Variants in GPHN observed in about 807,000 individuals in gnomAD.
GPHN encodes the protein gephyrin.
In GPHN, 17 loss-of-function variants were observed where a neutral mutation model predicts 95.5. The observed-to-expected ratio is 0.18, with a 90% confidence interval of 0.12 to 0.27. The LOEUF is 0.27. GPHN is among the 10% of genes least tolerant of loss of function. The probability of loss-of-function intolerance (pLI) is 1.00; values close to 1 mark genes in which losing one functional copy is unlikely to be tolerated. For missense variants in GPHN, 660 were observed against 978.1 expected (o/e 0.67, Z 4.34); for synonymous variants, 320 against 322.5 (o/e 0.99, Z 0.08).
At chr14:66,879,901 T>A (rs761410805) in intron 4 of GPHN, 38 bp from the exon 5 acceptor site, 1 of 1,337,276 alleles carries the variant, frequency 7.5e-7, no homozygotes, top group Non-Finnish European at 1.1e-6. Flanking sequence ...CTTTTTTGGC[T>A]TATTTCACTC....
rs2067330550 is a variant in GPHN at position 66,685,999 on chromosome 14, AGGG to A, written c.143+4815_143+4817del. 3.8e-5 allele frequency among the ~76,000 whole-genome samples: 3 copies of A among 79,904 alleles called. No homozygotes were observed. The Admixed American group carries it at 4.9e-4, about 13-fold the overall frequency. 52.4% of individuals were successfully genotyped at this position (79,904 alleles called of 152,430 possible). ...GTTTTCCCAGCACCATTTATTAAAT[AGGG>A]AATCCTTTCCCCATTGCTTGTTTTT... is the stretch of plus-strand genomic sequence containing the variant. On this transcript the variant is annotated intron_variant, in intron 2 of 22. Transcript: ENST00000478722.
rs765213134 is a variant in GPHN at position 66,996,251 on chromosome 14, A to G, written c.964-27382A>G. 6.5e-5 allele frequency: 85 copies of G among 1,310,712 alleles called. No individual in the cohort carries two copies. The South Asian group carries it at 7.8e-4, about 12-fold the overall frequency. The allele number at this position is 1,310,712 out of a possible 1,614,324, so 81.2% of individuals were successfully genotyped here. A position where few individuals can be genotyped will look rare whatever the true frequency, so the allele number is the denominator to read the frequency against. ...TTGCACGTGTTTTCTTACATGGTCA[A>G]TAACATGCTCGCCCTCACCATTTTT... is the stretch of plus-strand genomic sequence containing the variant. On this transcript the variant is annotated intron_variant, in intron 9 of 22. Transcript: ENST00000478722.
intron 1 of GPHN, among the ~76,000 whole-genome samples, chr14:66,536,493 TG>T (rs1365066160): frequency 6.6e-6 from 1 of 152,214 alleles, no homozygotes; most frequent in Non-Finnish European, 1.5e-5. Context: ...CATCTATTCA[TG>T]AAAGATATTG....
the GPHN span, chr14:67,587,263 C>T: frequency 6.2e-7 from 1 of 1,612,114 alleles, no homozygotes; most frequent in Non-Finnish European, 8.5e-7. Flanking sequence ...TTCCCCAACA[C>T]CACTAGTGCC....
chr14:67,054,378 GAATACAGCT>G (rs1240211024), intron 10 of GPHN, among the ~76,000 whole-genome samples: 1 of 152,072 alleles, frequency 6.6e-6, no homozygotes, highest in Non-Finnish European at 1.5e-5. Flanking sequence ...AAATACCTAG[GAATACAGCT>G]AACAAGGGAA....
At chr14:66,560,422 G>T (rs373553879) in intron 1 of GPHN, among the ~76,000 whole-genome samples, 1,841 of 152,244 alleles carry the variant, frequency 0.012, 19 homozygotes, top group Non-Finnish European at 0.018. Flanking sequence ...TCATTGAGCA[G>T]TGGTTTGTAG....
the GPHN span, among the ~76,000 whole-genome samples, chr14:67,481,837 A>G: frequency 6.6e-6 from 1 of 152,168 alleles, no homozygotes; most frequent in Non-Finnish European, 1.5e-5. Flanking sequence ...CTGCAGGGAG[A>G]ACCGGCAGCT....
At chr14:67,110,110 A>G (rs763133881) in intron 13 of GPHN, 30 bp from the exon 14 acceptor site, 47 of 1,608,458 alleles carry the variant, frequency 2.9e-5, no homozygotes, top group Non-Finnish European at 3.9e-5. Flanking sequence ...AGCAAAGTAC[A>G]TCAACTGTCT....
the GPHN span, chr14:67,336,838 A>C: frequency 2.2e-6 from 1 of 451,298 alleles, no homozygotes; most frequent in Non-Finnish European, 4.5e-6. Flanking sequence ...ACTGAACCTA[A>C]GATTTTATTC....
rs111983398 is a variant in GPHN at position 66,569,117 on chromosome 14, T to C, written c.64+60526T>C. ...ACTGAGAGATTACCTGTTTAAATAC[T>C]TCTGTTTATAGTTACAGACCTTCAC... On this transcript the variant is annotated intron_variant, in intron 1 of 22. Transcript: ENST00000478722. Among the ~76,000 whole-genome samples the C allele has an allele frequency of 3.4e-3, 511 of 152,320 alleles. 11 individuals are homozygous for C. The highest frequency in any genetic ancestry group is 0.012 in the African/African-American group (490 of 41,582).
intron 1 of GPHN, among the ~76,000 whole-genome samples, chr14:66,668,439 T>C (rs2066097033): frequency 6.6e-6 from 1 of 152,202 alleles, no homozygotes; most frequent in Non-Finnish European, 1.5e-5. Flanking sequence ...CACCATGGAA[T>C]ATAAGGCAGC....
At chr14:67,529,681 T>A in the GPHN span, among the ~76,000 whole-genome samples, 2 of 152,202 alleles carry the variant, frequency 1.3e-5, no homozygotes, top group African/African-American at 2.4e-5. Flanking sequence ...CTCTTGACAC[T>A]CTGCTCTAAC....
At chr14:66,922,597 G>T in intron 6 of GPHN, 69 bp from the exon 7 acceptor site, 1 of 1,242,714 alleles carries the variant, frequency 8.0e-7, no homozygotes, top group Middle Eastern at 1.9e-4. Flanking sequence ...GAAACAGTTT[G>T]ATTGCCACCA....
intron 2 of GPHN, among the ~76,000 whole-genome samples, chr14:66,692,863 T>A (rs1229135909): frequency 6.6e-6 from 1 of 152,158 alleles, no homozygotes; most frequent in Admixed American, 6.5e-5. Context: ...GTTTGAATTA[T>A]AGTGTTATAT....
At chr14:67,727,283 G>C in the GPHN span, 1 of 898,498 alleles carries the variant, frequency 1.1e-6, no homozygotes, top group Non-Finnish European at 1.8e-6. Context: ...AAACATGCAC[G>C]TGTCAGTAAT....
At chr14:66,633,481 T>C (rs1308216510) in intron 1 of GPHN, among the ~76,000 whole-genome samples, 1 of 152,166 alleles carries the variant, frequency 6.6e-6, no homozygotes, top group Non-Finnish European at 1.5e-5. Context: ...TTCATTTTAG[T>C]TTTTTGAGAT....
chr14:66,749,076 T>C (rs912932359), intron 2 of GPHN, among the ~76,000 whole-genome samples: 16 of 152,104 alleles, frequency 1.1e-4, no homozygotes, highest in Admixed American at 9.8e-4. Context: ...TTTTGCTTTT[T>C]CCAAAATGTC....
chr14:66,639,483 T>C (rs1184400260), intron 1 of GPHN, among the ~76,000 whole-genome samples: 1 of 152,176 alleles, frequency 6.6e-6, no homozygotes, highest in Admixed American at 6.5e-5. Context: ...TGAATACATA[T>C]ACATTCAAAA....
At chr14:67,244,231 T>C in the GPHN span, among the ~76,000 whole-genome samples, 1 of 152,244 alleles carries the variant, frequency 6.6e-6, no homozygotes, top group African/African-American at 2.4e-5. Flanking sequence ...CTTGAGCGCA[T>C]GTGTGGACGC....
Sources: allele counts gnomAD v4.1 joint callset (sites outside exome capture counted in the v4.1 genomes callset), GRCh38; gene constraint gnomAD v4.1.1; transcripts MANE v1.5; gene names NCBI Gene and HGNC (gene_info 2026-07-23, HGNC 2026-07-21).